Variants in ZNF608 observed in about 807,000 individuals in gnomAD.
ZNF608 encodes zinc finger protein 608, also known as renal carcinoma antigen NY-REN-36.
A neutral mutation model predicts 109.0 loss-of-function variants in ZNF608; 12 were observed. That is an observed-to-expected ratio of 0.11 (90% CI 0.07 to 0.18). The LOEUF (loss-of-function observed/expected upper bound fraction) is 0.18, where lower values mean the gene tolerates loss of function less well. Among genes scored for constraint, ZNF608 ranks in the 10% least tolerant of loss-of-function variants. ZNF608 has a pLI of 1.00. For missense variants in ZNF608, 1,707 were observed against 1,879.3 expected (o/e 0.91, Z 1.70); for synonymous variants, 732 against 717.4 (o/e 1.02, Z -0.33).
intron 2 of ZNF608, among the ~76,000 whole-genome samples, chr5:124,731,865 G>A (rs1023993397): frequency 2.0e-5 from 3 of 152,146 alleles, no homozygotes; most frequent in African/African-American, 7.2e-5. Flanking sequence ...GACATTAACA[G>A]AAGTAAAATC....
rs866494727 is a variant in ZNF608, at chr5:124,745,183, G to C, written c.-183-11C>G. On this transcript the variant is annotated splice_polypyrimidine_tract_variant and intron_variant, in intron 1 of 9. Transcript: ENST00000513986. Reference sequence around the variant, plus strand: ...CAGGTCCACCTTTTCCTGTGAAGGGGGGGGGAAAAGTCGAATATTTCTTGT... The same window carrying C: ...CAGGTCCACCTTTTCCTGTGAAGGGCGGGGGAAAAGTCGAATATTTCTTGT... 66 of 1,404,190 alleles carry C rather than the reference G, an allele frequency of 4.7e-5. No homozygotes were observed. The Middle Eastern group carries it at 7.6e-4, about 16-fold the overall frequency. The allele number at this position is 1,404,190 out of a possible 1,614,324, so 87.0% of individuals were successfully genotyped here. A position where few individuals can be genotyped will look rare whatever the true frequency, so the allele number is the denominator to read the frequency against.
intron 2 of ZNF608, among the ~76,000 whole-genome samples, chr5:124,726,248 A>C (rs1754133378): frequency 6.6e-6 from 1 of 152,034 alleles, no homozygotes; most frequent in East Asian, 1.9e-4. Flanking sequence ...TCTGGGCCCT[A>C]GTCTTTTCCA....
At chr5:124,662,176 C>A (rs1443411352) in intron 3 of ZNF608, among the ~76,000 whole-genome samples, 2 of 152,206 alleles carry the variant, frequency 1.3e-5, no homozygotes. Flanking sequence ...AAATTGTCTT[C>A]TTCAATTGAC....
At chr5:124,693,550 G>C (rs1311978918) in intron 3 of ZNF608, among the ~76,000 whole-genome samples, 1 of 152,118 alleles carries the variant, frequency 6.6e-6, no homozygotes, top group Non-Finnish European at 1.5e-5. Context: ...TCTTTACACA[G>C]TGAGTTTTAA....
chr5:124,695,981 C>G (rs956103062), intron 3 of ZNF608, among the ~76,000 whole-genome samples: 1 of 151,942 alleles, frequency 6.6e-6, no homozygotes, highest in Non-Finnish European at 1.5e-5. Context: ...GTCAGGAGTT[C>G]GAGACCAGCC....
chr5:124,720,226 G>A lies in ZNF608; in HGVS notation c.907-18957C>T, dbSNP rs188020206. Reference sequence around the variant, plus strand: ...TGAGCGAATGTATTTGGGGGCAAGCGGGGTGTCTCAAAAAGGAAACTCTTC... The same window carrying A: ...TGAGCGAATGTATTTGGGGGCAAGCAGGGTGTCTCAAAAAGGAAACTCTTC... On this transcript the variant is annotated intron_variant, in intron 2 of 9. Coordinates refer to ENST00000513986, the MANE Select transcript of ZNF608 (RefSeq NM_020747.3). 1.7e-4 allele frequency among the ~76,000 whole-genome samples: 26 copies of A among 152,284 alleles called. 1 individual carries two copies. Among genetic ancestry groups the A allele is most frequent in the Admixed American group, 7.2e-4 (11 of 15,304 alleles).
intron 2 of ZNF608, among the ~76,000 whole-genome samples, chr5:124,732,407 C>A (rs1398150673): frequency 6.6e-6 from 1 of 152,046 alleles, no homozygotes; most frequent in Admixed American, 6.6e-5. Flanking sequence ...AATGATACTT[C>A]TAGAAAATAA....
chr5:124,692,839 A>G (rs2149838952), intron 3 of ZNF608, among the ~76,000 whole-genome samples: 1 of 152,330 alleles, frequency 6.6e-6, no homozygotes, highest in Admixed American at 6.5e-5. Context: ...CTGAGGATTA[A>G]AGGAAATCAT....
intron 2 of ZNF608, among the ~76,000 whole-genome samples, chr5:124,725,650 C>A (rs1376262676): frequency 6.6e-6 from 1 of 152,020 alleles, no homozygotes; most frequent in Non-Finnish European, 1.5e-5. Context: ...AGCAACAATA[C>A]CCTGCACAGT....
At position 124,647,507 on chromosome 5, in the gene ZNF608, T is replaced by C. The variant is rs767061335; in HGVS notation, c.2877A>G (p.Arg959=). The part of the protein sequence containing the change: ...GGSDSRSEGM[R]SKASSPSDII... Reference sequence around the variant, plus strand: ...TATCTGATGGGGAACTGGCCTTTGATCTCATACCCTCCGACCTGCTGTCAG... The same window carrying C: ...TATCTGATGGGGAACTGGCCTTTGACCTCATACCCTCCGACCTGCTGTCAG... The change falls in exon 5 of 10, where the codon AGA becomes AGG. Residue 959 remains arginine (R), a synonymous_variant. Transcript: ENST00000513986. 6.2e-7 allele frequency: 1 copy of C among 1,614,202 alleles called. No homozygotes were observed. Among genetic ancestry groups the C allele is most frequent in the South Asian group, 1.1e-5 (1 of 91,084 alleles).
intron 2 of ZNF608, among the ~76,000 whole-genome samples, chr5:124,719,244 G>A (rs1413849371): frequency 6.6e-6 from 1 of 152,184 alleles, no homozygotes; most frequent in African/African-American, 2.4e-5. Flanking sequence ...GTATGTCACA[G>A]GCACAGCGTT....
intron 2 of ZNF608, among the ~76,000 whole-genome samples, chr5:124,727,882 G>T (rs750955209): frequency 1.8e-4 from 28 of 151,990 alleles, no homozygotes; most frequent in Non-Finnish European, 3.4e-4. Context: ...TGGGATTACA[G>T]GCATGTGCCA....
intron 3 of ZNF608, among the ~76,000 whole-genome samples, chr5:124,683,572 C>G (rs1027593966): frequency 1.3e-5 from 2 of 152,066 alleles, no homozygotes; most frequent in Non-Finnish European, 2.9e-5. Flanking sequence ...AATGCCAGTT[C>G]AAAGAGTTTA....
At chr5:124,688,615 C>T (rs1043640551) in intron 3 of ZNF608, among the ~76,000 whole-genome samples, 1 of 152,188 alleles carries the variant, frequency 6.6e-6, no homozygotes, top group Non-Finnish European at 1.5e-5. Context: ...TTCAACTCAG[C>T]AATTCAGTTT....
intron 2 of ZNF608, among the ~76,000 whole-genome samples, chr5:124,721,509 C>T (rs980893515): frequency 6.6e-6 from 1 of 152,050 alleles, no homozygotes; most frequent in Non-Finnish European, 1.5e-5. Context: ...AGATAAACGA[C>T]ATGTGTTTCC....
intron 2 of ZNF608, among the ~76,000 whole-genome samples, chr5:124,724,689 A>G (rs1328315556): frequency 2.0e-5 from 3 of 152,092 alleles, no homozygotes; most frequent in Non-Finnish European, 2.9e-5. Flanking sequence ...TACTCTTTCA[A>G]TTAATGTCTT....
At chr5:124,697,224 CA>C (rs5871099) in intron 3 of ZNF608, among the ~76,000 whole-genome samples, 90,001 of 111,564 alleles carry the variant, frequency 0.81, 35,130 homozygotes, top group East Asian at 0.93. Flanking sequence ...CAGGTAAGGC[CA>C]AAAAAAAAAA....
chr5:124,678,226 A>G (rs1180591050), intron 3 of ZNF608, among the ~76,000 whole-genome samples: 4 of 152,222 alleles, frequency 2.6e-5, no homozygotes, highest in Admixed American at 2.6e-4. Flanking sequence ...AAAGCTGGCA[A>G]TGAAGCAATT....
intron 2 of ZNF608, among the ~76,000 whole-genome samples, chr5:124,707,295 T>C (rs765466507): frequency 6.1e-4 from 92 of 151,902 alleles, no homozygotes; most frequent in African/African-American, 2.0e-3. Flanking sequence ...TGCTGCCAGG[T>C]AGAAGGAGAA....
Sources: allele counts gnomAD v4.1 joint callset (sites outside exome capture counted in the v4.1 genomes callset), GRCh38; gene constraint gnomAD v4.1.1; transcripts MANE v1.5; gene names NCBI Gene and HGNC (gene_info 2026-07-23, HGNC 2026-07-21).